TYW1: variants seen among roughly 807,000 people sequenced by gnomAD.
The protein encoded by TYW1 is S-adenosyl-L-methionine-dependent tRNA 4-demethylwyosine synthase TYW1.
Under a neutral mutation model 96.2 loss-of-function variants are expected in TYW1, and 46 were observed. The observed-to-expected ratio is 0.48, with a 90% CI of 0.38 to 0.61. The LOEUF is 0.61. TYW1 is among the 20% of genes least tolerant of loss of function. The pLI, the probability that TYW1 is intolerant of heterozygous loss-of-function variation, is 0.00. For missense variants in TYW1, 684 were observed against 909.6 expected, an observed-to-expected ratio of 0.75 and a Z score of 3.19; for synonymous variants, 274 against 323.0, an observed-to-expected ratio of 0.85 and a Z score of 1.63.
rs1380875291 is a variant in TYW1, at chr7:67,029,432, T to TATATATAA, written c.984+4411_984+4412insTATATAAA. On this transcript the variant is annotated intron_variant, in intron 7 of 15. Transcript: ENST00000359626. ...GTGTGTGTGTATATATATATATATA[T>TATATATAA]AAATAGTATTTTCTAGCTGGGTTCA... Among the ~76,000 whole-genome samples the TATATATAA allele has an allele frequency of 2.9e-5, 4 of 139,286 alleles. No homozygotes were observed. The South Asian group carries it at 9.1e-4, about 32-fold the overall frequency. 91.4% of individuals were successfully genotyped at this position (139,286 alleles called of 152,430 possible). A position where few individuals can be genotyped will look rare whatever the true frequency, so the allele number is the denominator to read the frequency against.
chr7:67,078,983 C>G (rs559882487), intron 10 of TYW1, among the ~76,000 whole-genome samples: 1 of 152,132 alleles, frequency 6.6e-6, no homozygotes, highest in Admixed American at 6.5e-5. Flanking sequence ...CGTGAGCCAC[C>G]GCGCCTGGCT....
chr7:67,108,191 TTAA>T (rs1207449816), intron 12 of TYW1, among the ~76,000 whole-genome samples: 13 of 152,044 alleles, frequency 8.6e-5, no homozygotes, highest in Admixed American at 3.9e-4. Context: ...TGGACATTTC[TTAA>T]TAATAAAACG....
At chr7:67,188,640 C>G (rs1800103504) in intron 14 of TYW1, among the ~76,000 whole-genome samples, 1 of 152,120 alleles carries the variant, frequency 6.6e-6, no homozygotes, top group South Asian at 2.1e-4. Flanking sequence ...AAAACTTACC[C>G]ACGGACACAG....
intron 15 of TYW1, among the ~76,000 whole-genome samples, chr7:67,208,051 G>A (rs1800869555): frequency 6.6e-6 from 1 of 152,154 alleles, no homozygotes; most frequent in African/African-American, 2.4e-5. Context: ...CCCTCTGGCT[G>A]GTGTGGTGGC....
intron 13 of TYW1, among the ~76,000 whole-genome samples, chr7:67,125,125 G>A (rs769741363): frequency 6.6e-5 from 10 of 152,300 alleles, no homozygotes; most frequent in African/African-American, 2.4e-4. Flanking sequence ...GAGCCACTGC[G>A]CCTGGCCTGT....
intron 6 of TYW1, among the ~76,000 whole-genome samples, chr7:67,021,177 C>G (rs1242733505): frequency 4.6e-5 from 7 of 152,284 alleles, no homozygotes; most frequent in African/African-American, 1.4e-4. Context: ...TCTTGTTTCC[C>G]TTAAATTACC....
intron 12 of TYW1, among the ~76,000 whole-genome samples, chr7:67,100,188 T>C (rs1311013564): frequency 6.6e-6 from 1 of 151,924 alleles, no homozygotes; most frequent in Non-Finnish European, 1.5e-5. Context: ...GTTTAGGTGG[T>C]AGGATGATGA....
intron 10 of TYW1, among the ~76,000 whole-genome samples, chr7:67,078,876 A>G (rs1796292181): frequency 6.6e-6 from 1 of 151,828 alleles, no homozygotes; most frequent in South Asian, 2.1e-4. Flanking sequence ...GTATTTTTTT[A>G]GTAGAGACAG....
At chr7:67,173,540 A>G (rs1311849895) in intron 13 of TYW1, among the ~76,000 whole-genome samples, 1 of 152,212 alleles carries the variant, frequency 6.6e-6, no homozygotes, top group Non-Finnish European at 1.5e-5. Context: ...AAGATTGATT[A>G]GTAGATTTTC....
chr7:67,103,836 C>T (rs193124035), intron 12 of TYW1, among the ~76,000 whole-genome samples: 1 of 152,190 alleles, frequency 6.6e-6, no homozygotes, highest in East Asian at 1.9e-4. Flanking sequence ...ATTTGCTGAG[C>T]CTCTTGCAGC....
chr7:67,102,111 A>G (rs1387263131), intron 12 of TYW1, among the ~76,000 whole-genome samples: 3 of 152,200 alleles, frequency 2.0e-5, no homozygotes, highest in Non-Finnish European at 4.4e-5. Context: ...AAAGGCATAT[A>G]TCCCCCAAAA....
At chr7:67,197,670 A>G (rs181253466) in intron 15 of TYW1, among the ~76,000 whole-genome samples, 196 of 152,354 alleles carry the variant, frequency 1.3e-3, no homozygotes, top group Non-Finnish European at 2.2e-3. Flanking sequence ...CAAGGGGTTC[A>G]GTAACTTGCC....
chr7:67,011,394 T>G (rs181405922), intron 4 of TYW1, among the ~76,000 whole-genome samples: 22 of 152,354 alleles, frequency 1.4e-4, no homozygotes, highest in African/African-American at 4.3e-4. Context: ...GTTCCTCCCC[T>G]TTTTTCTCCA....
intron 13 of TYW1, among the ~76,000 whole-genome samples, chr7:67,182,303 C>G (rs2116301462): frequency 6.6e-6 from 1 of 152,276 alleles, no homozygotes; most frequent in African/African-American, 2.4e-5. Flanking sequence ...TGGTGTGTGC[C>G]TATAATCCCA....
chr7:67,213,567 G>T (rs1801110927), intron 15 of TYW1, among the ~76,000 whole-genome samples: 1 of 152,078 alleles, frequency 6.6e-6, no homozygotes, highest in Admixed American at 6.5e-5. Context: ...TTTTTGTCAT[G>T]GATCCTACTT....
chr7:67,000,495 C>T (rs1793348220), intron 3 of TYW1, among the ~76,000 whole-genome samples: 1 of 151,908 alleles, frequency 6.6e-6, no homozygotes, highest in South Asian at 2.1e-4. Flanking sequence ...GACGAGGTTT[C>T]ACCATATTGG....
At chr7:67,080,834 G>T (rs148502628) in intron 10 of TYW1, among the ~76,000 whole-genome samples, 2 of 150,182 alleles carry the variant, frequency 1.3e-5, no homozygotes, top group Middle Eastern at 3.4e-3. Context: ...CATTCAGCCA[G>T]TTTATATCTT....
chr7:67,238,823 T>C lies in TYW1; in HGVS notation c.*294T>C. On this transcript the variant is annotated 3_prime_UTR_variant, in exon 16 of 16. Transcript: ENST00000359626. ...GATTAGAATTTATCTGATGGTTTTG[T>C]ATTATAACTTGTAAGACCTGCCAGA... 1 of 1,210,570 alleles carries C rather than the reference T, an allele frequency of 8.3e-7. No individual in the cohort carries two copies. The highest frequency in any genetic ancestry group is 1.0e-6 in the Non-Finnish European group (1 of 967,504). 75.0% of individuals were successfully genotyped at this position (1,210,570 alleles called of 1,614,324 possible). A position where few individuals can be genotyped will look rare whatever the true frequency, so the allele number is the denominator to read the frequency against.
chr7:67,060,863 A>G (rs983329319), intron 9 of TYW1, among the ~76,000 whole-genome samples: 8 of 152,212 alleles, frequency 5.3e-5, no homozygotes, highest in African/African-American at 1.9e-4. Flanking sequence ...ATCTTTGGTC[A>G]TGACATTGGG....
Sources: allele counts gnomAD v4.1 joint callset (sites outside exome capture counted in the v4.1 genomes callset), GRCh38; gene constraint gnomAD v4.1.1; transcripts MANE v1.5; gene names NCBI Gene and HGNC (gene_info 2026-07-23, HGNC 2026-07-21).